Variants in ERI3 observed in about 807,000 individuals in gnomAD.
The protein encoded by ERI3 is ERI1 exoribonuclease 3.
A neutral mutation model predicts 44.4 loss-of-function variants in ERI3; 18 were observed. The ratio of observed to expected loss-of-function variants is 0.41; its 90% CI spans 0.28 to 0.60. The LOEUF is 0.60. Among genes scored for constraint, ERI3 ranks in the 20% least tolerant of loss-of-function variants. The probability of loss-of-function intolerance (pLI) is 0.36; values close to 1 mark genes in which losing one functional copy is unlikely to be tolerated. For missense variants in ERI3, 294 were observed against 435.5 expected, an observed-to-expected ratio of 0.68 and a Z score of 2.89; for synonymous variants, 183 against 164.8, an observed-to-expected ratio of 1.11 and a Z score of -0.84.
intron 7 of ERI3, among the ~76,000 whole-genome samples, chr1:44,270,174 A>C (rs1315275051): frequency 6.6e-6 from 1 of 152,104 alleles, no homozygotes; most frequent in Non-Finnish European, 1.5e-5. Context: ...CACACACACA[A>C]AAGAAACCCT....
At chr1:44,275,764 A>C (rs1307507423) in intron 7 of ERI3, among the ~76,000 whole-genome samples, 4 of 152,128 alleles carry the variant, frequency 2.6e-5, no homozygotes, top group African/African-American at 9.7e-5. Context: ...TTATCCCTAC[A>C]GCTGCTGGGT....
At chr1:44,230,244 C>G (rs1235991643) in intron 8 of ERI3, 1 of 152,184 alleles carries the variant, frequency 6.6e-6, no homozygotes, top group Non-Finnish European at 1.5e-5. Flanking sequence ...CTGGCCATTA[C>G]AGAGGATGCC....
At chr1:44,236,154 C>A (rs1441977081) in intron 8 of ERI3, among the ~76,000 whole-genome samples, 1 of 152,184 alleles carries the variant, frequency 6.6e-6, no homozygotes, top group Non-Finnish European at 1.5e-5. Context: ...CACCTCAGCT[C>A]CAGGCACTTC....
In ERI3 at chr1:44,355,222, G is replaced by A. The variant is rs559494054; in HGVS notation, c.-196C>T. The A allele has an allele frequency of 2.5e-4, 301 of 1,187,062 alleles. 4 individuals carry two copies. The African/African-American group carries it at 4.3e-3, about 17-fold the overall frequency. 73.5% of individuals were successfully genotyped at this position (1,187,062 alleles called of 1,614,324 possible). ...GCCCGTTCCCGGCCGCCTGAACAGC[G>A]GCAGCCAGCACCACGAGTCCACAAC... is the stretch of plus-strand genomic sequence containing the variant. On this transcript the variant is annotated 5_prime_UTR_variant, in exon 1 of 9. Transcript: ENST00000372257.
intron 7 of ERI3, among the ~76,000 whole-genome samples, chr1:44,264,465 T>C (rs896295175): frequency 2.6e-5 from 4 of 152,238 alleles, no homozygotes; most frequent in African/African-American, 9.6e-5. Context: ...TTCAGGACAA[T>C]TACCCTCTTA....
chr1:44,241,852 AGG>A lies in ERI3; in HGVS notation c.931+6085_931+6086del, dbSNP rs1259339148. 3 of 514,082 alleles carry A rather than the reference AGG, an allele frequency of 5.8e-6. No individual in the cohort carries two copies. The African/African-American group carries it at 6.2e-5, about 11-fold the overall frequency. 31.8% of individuals were successfully genotyped at this position (514,082 alleles called of 1,614,324 possible). A position where few individuals can be genotyped will look rare whatever the true frequency, so the allele number is the denominator to read the frequency against. ...CATACATACATACATACATACATAC[AGG>A]AGAACCTTCTTCCATCCATCTGTCC... is the stretch of plus-strand genomic sequence containing the variant. On this transcript the variant is annotated intron_variant, in intron 8 of 8. Coordinates refer to ENST00000372257, the MANE Select transcript of ERI3 (RefSeq NM_024066.3). The surrounding 1 kb of genome is among the most constrained non-coding windows in gnomAD (Gnocchi z 5.6).
chr1:44,305,579 C>T (rs1047460116), intron 6 of ERI3, among the ~76,000 whole-genome samples: 12 of 152,220 alleles, frequency 7.9e-5, no homozygotes, highest in African/African-American at 2.9e-4. Flanking sequence ...CCCACGTAAA[C>T]TTGGAGAATC....
intron 1 of ERI3, chr1:44,353,331 T>C (rs980898918): frequency 6.7e-5 from 66 of 985,324 alleles, no homozygotes; most frequent in Non-Finnish European, 7.8e-5. Context: ...CAAGCCATAC[T>C]GAAAATGGCC....
intron 3 of ERI3, among the ~76,000 whole-genome samples, chr1:44,338,670 A>G (rs1646583780): frequency 6.6e-6 from 1 of 152,240 alleles, no homozygotes; most frequent in Non-Finnish European, 1.5e-5. Flanking sequence ...AAGGGTGTGA[A>G]TAGCAGGAGT....
chr1:44,225,468 G>A (rs1417436818), intron 8 of ERI3, among the ~76,000 whole-genome samples: 1 of 152,148 alleles, frequency 6.6e-6, no homozygotes, highest in Non-Finnish European at 1.5e-5. Context: ...TCATCAATTT[G>A]TGACAAGATG....
At chr1:44,299,724 C>T (rs1645684991) in intron 6 of ERI3, among the ~76,000 whole-genome samples, 1 of 152,034 alleles carries the variant, frequency 6.6e-6, no homozygotes, top group Non-Finnish European at 1.5e-5. Flanking sequence ...GAGTAGAGCC[C>T]GGGTCCCCCA....
intron 7 of ERI3, among the ~76,000 whole-genome samples, chr1:44,280,199 A>T (rs183531910): frequency 2.6e-5 from 4 of 152,366 alleles, no homozygotes; most frequent in Admixed American, 1.3e-4. Context: ...GTATTTCTTA[A>T]GCATTTAATG....
At chr1:44,280,539 C>T (rs547647173) in intron 7 of ERI3, among the ~76,000 whole-genome samples, 22 of 152,272 alleles carry the variant, frequency 1.4e-4, no homozygotes, top group South Asian at 4.1e-4. Context: ...ATTATCACAA[C>T]GACTCGGAGA....
chr1:44,245,115 C>T (rs926495445), intron 8 of ERI3, among the ~76,000 whole-genome samples: 10 of 152,186 alleles, frequency 6.6e-5, no homozygotes, highest in Non-Finnish European at 1.0e-4. Flanking sequence ...AAGCAGTCCA[C>T]GTCAAACTCT....
At chr1:44,296,909 G>A (rs1382983938) in intron 6 of ERI3, among the ~76,000 whole-genome samples, 1 of 152,160 alleles carries the variant, frequency 6.6e-6, no homozygotes, top group Non-Finnish European at 1.5e-5. Context: ...TGCAGGCTGT[G>A]CCTCAGCCCC....
At chr1:44,295,673 CTCTTAAAT>C (rs1557828048) in intron 6 of ERI3, among the ~76,000 whole-genome samples, 1 of 152,208 alleles carries the variant, frequency 6.6e-6, no homozygotes. Flanking sequence ...GCACATGACA[CTCTTAAAT>C]CAATGAATGG....
chr1:44,313,796 G>A (rs955861392), intron 4 of ERI3, among the ~76,000 whole-genome samples: 11 of 151,954 alleles, frequency 7.2e-5, no homozygotes, highest in South Asian at 4.2e-4. Flanking sequence ...CCCTGCATAC[G>A]TGGGCCATCA....
At chr1:44,272,803 G>A (rs756536480) in intron 7 of ERI3, among the ~76,000 whole-genome samples, 8 of 151,504 alleles carry the variant, frequency 5.3e-5, no homozygotes, top group Non-Finnish European at 1.2e-4. Context: ...TCATGCCACC[G>A]CATTCCAGCC....
At chr1:44,308,744 G>A (rs1645892474) in intron 5 of ERI3, among the ~76,000 whole-genome samples, 1 of 152,184 alleles carries the variant, frequency 6.6e-6, no homozygotes. Context: ...CAGCAGACAG[G>A]CTGTTGTCCT....
Sources: allele counts gnomAD v4.1 joint callset (sites outside exome capture counted in the v4.1 genomes callset), GRCh38; gene constraint gnomAD v4.1.1; non-coding constraint Gnocchi (gnomAD v3.1); transcripts MANE v1.5; gene names NCBI Gene and HGNC (gene_info 2026-07-23, HGNC 2026-07-21).